Variants in GABRB2 observed in about 807,000 individuals in gnomAD.
The protein encoded by GABRB2 is gamma-aminobutyric acid receptor subunit beta-2.
GABRB2 carries 16 observed loss-of-function variants against 54.7 expected under a neutral mutation model. The observed-to-expected ratio is 0.29, with a 90% confidence interval of 0.20 to 0.44. GABRB2 has a LOEUF of 0.44. Ranked by LOEUF, GABRB2 falls within the 20% of genes least tolerant of loss-of-function variation. GABRB2 has a pLI of 1.00. For synonymous variants in GABRB2, 244 were observed against 233.8 expected (o/e 1.04, Z -0.40); for missense variants, 355 against 644.0 (o/e 0.55, Z 4.86).
intron 5 of GABRB2, among the ~76,000 whole-genome samples, chr5:161,346,896 G>A (rs1754333050): frequency 6.6e-6 from 1 of 151,890 alleles, no homozygotes; most frequent in Non-Finnish European, 1.5e-5. Flanking sequence ...ACCATGGCTT[G>A]GAGCAGAAAG....
At chr5:161,445,818 C>A (rs1207788041) in intron 4 of GABRB2, among the ~76,000 whole-genome samples, 7 of 152,112 alleles carry the variant, frequency 4.6e-5, no homozygotes, top group African/African-American at 1.7e-4. Context: ...TTAATTGATG[C>A]CTTGTATCTC....
intron 5 of GABRB2, among the ~76,000 whole-genome samples, chr5:161,377,176 G>A (rs990499905): frequency 1.3e-5 from 2 of 151,940 alleles, no homozygotes; most frequent in Non-Finnish European, 2.9e-5. Flanking sequence ...AATATATATG[G>A]GCATAAACAT....
At chr5:161,295,921 G>T (rs916780325) in intron 9 of GABRB2, among the ~76,000 whole-genome samples, 1 of 152,218 alleles carries the variant, frequency 6.6e-6, no homozygotes, top group Non-Finnish European at 1.5e-5. Flanking sequence ...TGTTATAAAA[G>T]ATCTGCCAAG....
At chr5:161,409,172 A>G (rs1756432996) in intron 5 of GABRB2, among the ~76,000 whole-genome samples, 1 of 152,066 alleles carries the variant, frequency 6.6e-6, no homozygotes, top group Non-Finnish European at 1.5e-5. Context: ...GTCTTTTCTA[A>G]GTAAGAAGTC....
intron 3 of GABRB2, among the ~76,000 whole-genome samples, chr5:161,520,980 GA>G (rs566207741): frequency 2.6e-4 from 40 of 152,118 alleles, no homozygotes; most frequent in Non-Finnish European, 5.0e-4. Context: ...TATGCTGTCT[GA>G]AGGAGGTCTA....
intron 4 of GABRB2, among the ~76,000 whole-genome samples, chr5:161,454,000 T>C (rs1046017822): frequency 6.8e-5 from 10 of 148,042 alleles, no homozygotes; most frequent in African/African-American, 2.5e-4. Flanking sequence ...ATTGCACTAC[T>C]GCACTCCAGC....
At chr5:161,313,745 G>A (rs1055024147) in intron 9 of GABRB2, among the ~76,000 whole-genome samples, 1 of 152,164 alleles carries the variant, frequency 6.6e-6, no homozygotes, top group Admixed American at 6.5e-5. Context: ...TCCAGGGTGG[G>A]ACTGTAAGCC....
chr5:161,496,582 C>T (rs949108467), intron 3 of GABRB2, among the ~76,000 whole-genome samples: 1 of 151,582 alleles, frequency 6.6e-6, no homozygotes, highest in African/African-American at 2.4e-5. Context: ...TAATCTACAA[C>T]CTAGAAATAA....
At chr5:161,433,077 A>C (rs760302286) in intron 4 of GABRB2, among the ~76,000 whole-genome samples, 12 of 152,144 alleles carry the variant, frequency 7.9e-5, no homozygotes, top group Admixed American at 2.0e-4. Flanking sequence ...GGGATGATGC[A>C]CAGTAGATAC....
chr5:161,386,749 C>T (rs921657696), intron 5 of GABRB2, among the ~76,000 whole-genome samples: 1 of 150,232 alleles, frequency 6.7e-6, no homozygotes, highest in Non-Finnish European at 1.5e-5. Flanking sequence ...ACCATGTTGC[C>T]CAGGCTGGTC....
At chr5:161,420,234 A>C (rs1223238793) in intron 4 of GABRB2, among the ~76,000 whole-genome samples, 1 of 151,126 alleles carries the variant, frequency 6.6e-6, no homozygotes, top group Non-Finnish European at 1.5e-5. Flanking sequence ...AACAAATGCA[A>C]AAAAAAAATG....
At chr5:161,473,753 G>A (rs1758512362) in intron 3 of GABRB2, among the ~76,000 whole-genome samples, 1 of 151,884 alleles carries the variant, frequency 6.6e-6, no homozygotes, top group African/African-American at 2.4e-5. Context: ...GACCCAACAA[G>A]CTCTCCAGCC....
intron 9 of GABRB2, among the ~76,000 whole-genome samples, chr5:161,317,133 A>T (rs1436885820): frequency 6.6e-6 from 1 of 152,158 alleles, no homozygotes; most frequent in Non-Finnish European, 1.5e-5. Flanking sequence ...GAATATGCAC[A>T]CAGACACACA....
intron 4 of GABRB2, among the ~76,000 whole-genome samples, chr5:161,443,842 A>T (rs778642894): frequency 4.6e-5 from 7 of 152,186 alleles, no homozygotes; most frequent in Non-Finnish European, 7.3e-5. Flanking sequence ...TGAGTAGAGC[A>T]GTAATTTAGG....
intron 3 of GABRB2, among the ~76,000 whole-genome samples, chr5:161,515,463 T>G (rs1473451654): frequency 6.6e-6 from 1 of 152,084 alleles, no homozygotes; most frequent in East Asian, 1.9e-4. Flanking sequence ...TACTAGAGAT[T>G]TTTCTGTTTT....
At chr5:161,387,175 G>A (rs1755670608) in intron 5 of GABRB2, among the ~76,000 whole-genome samples, 1 of 151,970 alleles carries the variant, frequency 6.6e-6, no homozygotes, top group Non-Finnish European at 1.5e-5. Flanking sequence ...TGGCAGGTGT[G>A]CTGTGCTCCC....
intron 9 of GABRB2, among the ~76,000 whole-genome samples, chr5:161,319,046 G>C (rs561603777): frequency 6.7e-6 from 1 of 150,084 alleles, no homozygotes; most frequent in South Asian, 2.1e-4. Context: ...ATAAATTGTC[G>C]TTGTTCCTGT....
At chr5:161,460,351 A>G (rs1280131620) in intron 3 of GABRB2, among the ~76,000 whole-genome samples, 1 of 152,156 alleles carries the variant, frequency 6.6e-6, no homozygotes, top group Non-Finnish European at 1.5e-5. Context: ...AGAGGCAAAT[A>G]CTAATTTATT....
intron 9 of GABRB2, among the ~76,000 whole-genome samples, chr5:161,306,102 C>T (rs1293865627): frequency 6.7e-6 from 1 of 149,908 alleles, no homozygotes; most frequent in African/African-American, 2.4e-5. Context: ...ATGGTTCTCT[C>T]TTGTTCATGG....
Sources: gnomAD v4.1 joint callset for allele counts (sites outside exome capture counted in the v4.1 genomes callset) on GRCh38, gnomAD v4.1.1 for gene constraint, MANE v1.5 for transcripts, NCBI Gene and HGNC (gene_info 2026-07-23, HGNC 2026-07-21) for gene names.